The following MTRES1 variants were observed in gnomAD, a reference collection of about 807,000 sequenced individuals.
MTRES1 encodes uncharacterized protein C6orf203.
MTRES1 carries 11 observed loss-of-function variants against 17.4 expected under a neutral mutation model. That is an observed-to-expected ratio of 0.63 (90% confidence interval 0.40 to 1.05). The LOEUF is 1.05. Among genes scored for constraint, MTRES1 ranks in the 50% least tolerant of loss-of-function variants. MTRES1 has a pLI of 0.00. For missense variants in MTRES1, 268 were observed against 276.2 expected, an observed-to-expected ratio of 0.97 and a Z score of 0.21; for synonymous variants, 94 against 99.6, an observed-to-expected ratio of 0.94 and a Z score of 0.34.
intron 1 of MTRES1, among the ~76,000 whole-genome samples, chr6:107,030,675 G>A (rs780653647): frequency 9.3e-4 from 142 of 152,164 alleles, no homozygotes; most frequent in Non-Finnish European, 1.8e-3. Flanking sequence ...CAAAATTTCC[G>A]CCGCCCAGAA....
chr6:107,031,634 CTTG>C (rs1190419550), intron 1 of MTRES1, among the ~76,000 whole-genome samples: 2 of 150,858 alleles, frequency 1.3e-5, no homozygotes, highest in Middle Eastern at 3.4e-3. Flanking sequence ...ACGTCTCACT[CTTG>C]TTGTCCAGGC....
chr6:107,029,289 G>A lies in MTRES1; in HGVS notation c.-13+1018G>A, dbSNP rs185634206. Among the ~76,000 whole-genome samples, 17 of 151,738 alleles carry A rather than the reference G, an allele frequency of 1.1e-4. No individual in the cohort carries two copies. In the East Asian group the frequency reaches 2.9e-3, roughly 26 times the overall value. On this transcript the variant is annotated intron_variant, in intron 1 of 3. Transcript: ENST00000311381. ...TGCAAGCTCCGCCTCCCGGGTTCAC[G>A]CCATTCTCCCGCCTCAGCCTCCCGA...
intron 2 of MTRES1, chr6:107,040,810 A>G (rs1330965933): frequency 6.6e-6 from 1 of 151,534 alleles, no homozygotes; most frequent in Non-Finnish European, 1.5e-5. Context: ...CAGAGGTTGC[A>G]GTGAGCCGAG....
In MTRES1 at chr6:107,040,038, C is replaced by T. The variant is rs782162019; in HGVS notation, c.278C>T (p.Ser93Phe). The T allele has an allele frequency of 4.3e-6, 7 of 1,612,998 alleles. No homozygotes were observed. Among genetic ancestry groups the T allele is most frequent in the Non-Finnish European group, 5.9e-6 (7 of 1,179,718 alleles). ...RLKSNIRSTK[S>F]TKKSLQKVDE... Reference sequence around the variant, plus strand: ...AAAAGTAATATAAGGTCTACAAAATCTACTAAAAAGTCTCTGCAAAAAGTA... The same window carrying T: ...AAAAGTAATATAAGGTCTACAAAATTTACTAAAAAGTCTCTGCAAAAAGTA... Residue 93 changes from serine to phenylalanine, a missense_variant, in exon 2 of 4, where the codon TCT (serine) becomes TTT (phenylalanine). Coordinates refer to ENST00000311381, the MANE Select transcript of MTRES1 (RefSeq NM_016487.5).
chr6:107,030,247 T>TGCC (rs1773791851), intron 1 of MTRES1: 2 of 685,926 alleles, frequency 2.9e-6, no homozygotes, highest in Admixed American at 2.3e-5. Context: ...TCGTAGAGAC[T>TGCC]TTGCTGTTCT....
chr6:107,028,887 C>G (rs1554226011), intron 1 of MTRES1: 2 of 985,300 alleles, frequency 2.0e-6, no homozygotes, highest in African/African-American at 1.7e-5. Context: ...CATCCCACAC[C>G]AACGCCAAAG....
intron 2 of MTRES1, among the ~76,000 whole-genome samples, chr6:107,043,116 G>A (rs971210286): frequency 2.0e-5 from 3 of 152,088 alleles, no homozygotes; most frequent in African/African-American, 7.2e-5. Flanking sequence ...CGGATCATGA[G>A]GTCAGGAGAT....
chr6:107,030,464 A>C (rs1463870358), intron 1 of MTRES1, among the ~76,000 whole-genome samples: 1 of 152,228 alleles, frequency 6.6e-6, no homozygotes, highest in African/African-American at 2.4e-5. Flanking sequence ...CAAAATAAGC[A>C]AAGGGAAAAG....
chr6:107,028,693 T>C (rs188609891), intron 1 of MTRES1: 1 of 154,514 alleles, frequency 6.5e-6, no homozygotes, highest in African/African-American at 2.4e-5. Context: ...TTCTCCATCT[T>C]ACGGAGCGGT....
chr6:107,037,333 G>T (rs553457947), intron 1 of MTRES1, among the ~76,000 whole-genome samples: 2 of 152,070 alleles, frequency 1.3e-5, no homozygotes, highest in Non-Finnish European at 2.9e-5. Flanking sequence ...GCCTCCCAAA[G>T]TGTTGGGATT....
At chr6:107,042,674 G>C (rs1404624900) in intron 2 of MTRES1, among the ~76,000 whole-genome samples, 1 of 152,160 alleles carries the variant, frequency 6.6e-6, no homozygotes. Context: ...TTTCTTAATG[G>C]CCTTGCCATA....
chr6:107,035,428 CTT>C (rs1773976721), intron 1 of MTRES1, among the ~76,000 whole-genome samples: 3 of 152,022 alleles, frequency 2.0e-5, no homozygotes, highest in African/African-American at 7.2e-5. Context: ...CTAAGTAAAA[CTT>C]TGAATAATGA....
intron 2 of MTRES1, among the ~76,000 whole-genome samples, chr6:107,041,818 C>T (rs904259506): frequency 5.3e-5 from 8 of 152,156 alleles, no homozygotes; most frequent in East Asian, 3.9e-4. Flanking sequence ...TGAGCCACCG[C>T]GCCTGGCGAA....
At chr6:107,034,240 A>T (rs1554226716) in intron 1 of MTRES1, among the ~76,000 whole-genome samples, 1 of 152,198 alleles carries the variant, frequency 6.6e-6, no homozygotes. Context: ...CAAAGTCAGG[A>T]AAAGAGTGTA....
rs1381214108 is a variant in MTRES1 at position 107,040,310 on chromosome 6, T to C, written c.470+80T>C. On this transcript the variant is annotated intron_variant, in intron 2 of 3. Transcript: ENST00000311381. ...ATAGCATTACAAATCACTTGGCCCA[T>C]ATTATGGTGAAGAATAACCACAATA... 6.1e-6 allele frequency: 8 copies of C among 1,317,742 alleles called. No homozygotes were observed. In the East Asian group the frequency reaches 2.0e-4, roughly 33 times the overall value. The allele number at this position is 1,317,742 out of a possible 1,614,324, so 81.6% of individuals were successfully genotyped here. A position where few individuals can be genotyped will look rare whatever the true frequency, so the allele number is the denominator to read the frequency against.
At chr6:107,030,253 G>T (rs1665924) in intron 1 of MTRES1, 652,506 of 673,688 alleles carry the variant, frequency 0.97, 316,491 homozygotes, top group East Asian at 1. Flanking sequence ...AGACTTTGCT[G>T]TTCTCTGAGT....
At chr6:107,035,637 A>G (rs1231504017) in intron 1 of MTRES1, among the ~76,000 whole-genome samples, 1 of 151,886 alleles carries the variant, frequency 6.6e-6, no homozygotes, top group Non-Finnish European at 1.5e-5. Context: ...CATAGAGTGG[A>G]GTATGGCTGG....
At chr6:107,030,044 T>C (rs1197739827) in intron 1 of MTRES1, 4 of 717,606 alleles carry the variant, frequency 5.6e-6, no homozygotes, top group Non-Finnish European at 1.0e-5. Flanking sequence ...TCTACAAGAA[T>C]AGGAATCTTC....
chr6:107,033,548 G>A (rs1348703198), intron 1 of MTRES1, among the ~76,000 whole-genome samples: 7 of 152,174 alleles, frequency 4.6e-5, no homozygotes, highest in Non-Finnish European at 1.0e-4. Context: ...GCCGGGCACG[G>A]TGGCTCACGC....
Sources: gnomAD v4.1 joint callset for allele counts (sites outside exome capture counted in the v4.1 genomes callset) on GRCh38, gnomAD v4.1.1 for gene constraint, MANE v1.5 for transcripts, NCBI Gene and HGNC (gene_info 2026-07-23, HGNC 2026-07-21) for gene names.